The following NPEPPS variants were observed in gnomAD, a reference collection of about 807,000 sequenced individuals.
NPEPPS encodes puromycin-sensitive aminopeptidase.
Under a neutral mutation model 115.5 loss-of-function variants are expected in NPEPPS, and 14 were observed. The observed-to-expected ratio is 0.12, with a 90% CI of 0.08 to 0.19. The LOEUF (loss-of-function observed/expected upper bound fraction) is 0.19, where lower values mean the gene tolerates loss of function less well. NPEPPS is among the 10% of genes least tolerant of loss of function. NPEPPS has a pLI of 1.00. For synonymous variants in NPEPPS, 285 were observed against 390.6 expected, an observed-to-expected ratio of 0.73 and a Z score of 3.19; for missense variants, 523 against 1,110.8, an observed-to-expected ratio of 0.47 and a Z score of 7.52.
At chr17:47,542,053 A>C (rs1006528038) in intron 1 of NPEPPS, among the ~76,000 whole-genome samples, 9 of 152,180 alleles carry the variant, frequency 5.9e-5, no homozygotes, top group Non-Finnish European at 4.4e-5. Flanking sequence ...TTACCCATAT[A>C]CAGGTCTTTC....
intron 1 of NPEPPS, among the ~76,000 whole-genome samples, chr17:47,537,947 G>A (rs1162134807): frequency 1.3e-5 from 2 of 149,276 alleles, no homozygotes; most frequent in Admixed American, 6.7e-5. Flanking sequence ...AGGCTGGAGT[G>A]CAGTGGCACA....
intron 1 of NPEPPS, among the ~76,000 whole-genome samples, chr17:47,523,587 A>T (rs1294347176): frequency 6.6e-6 from 1 of 151,668 alleles, no homozygotes. Flanking sequence ...CACCCGGCAA[A>T]TTTTTTTGCA....
At chr17:47,590,134 T>C (rs1186173832) in intron 9 of NPEPPS, among the ~76,000 whole-genome samples, 8 of 152,132 alleles carry the variant, frequency 5.3e-5, no homozygotes, top group African/African-American at 1.9e-4. Flanking sequence ...AGTTCAAGGC[T>C]GCAGTAAGCT....
rs543559258 is a variant in NPEPPS at position 47,538,202 on chromosome 17, C to CTTTTTTTTTTTTTTTTTTT, written c.255+6652_255+6670dup. Among the ~76,000 whole-genome samples, 18 of 58,498 alleles carry CTTTTTTTTTTTTTTTTTTT rather than the reference C, an allele frequency of 3.1e-4. 3 individuals carry two copies. The highest frequency in any genetic ancestry group is 2.6e-3 in the East Asian group (4 of 1,558). The allele number at this position is 58,498 out of a possible 152,430, so 38.4% of individuals were successfully genotyped here. A position where few individuals can be genotyped will look rare whatever the true frequency, so the allele number is the denominator to read the frequency against. The stretch of plus-strand genomic sequence containing the variant: ...GCCACCGCGCCTAGCCATATCTGTT[C>CTTTTTTTTTTTTTTTTTTT]TTTTTTTTTTTTTTTTTTTTTTTGA... On this transcript the variant is annotated intron_variant, in intron 1 of 22. Transcript: ENST00000322157.
intron 17 of NPEPPS, 134 bp from the exon 18 acceptor site, chr17:47,612,326 A>T: frequency 1.3e-6 from 1 of 783,948 alleles, no homozygotes; most frequent in Non-Finnish European, 2.0e-6. Flanking sequence ...GTATTCTCTC[A>T]GGTATTAAGT....
Position 47,531,115 on chromosome 17 carries a change from C to T in NPEPPS, c.-186C>T, listed in dbSNP as rs1907709320. The T allele has an allele frequency of 3.6e-6, 3 of 822,360 alleles. No homozygotes were observed. Among genetic ancestry groups the T allele is most frequent in the Non-Finnish European group, 5.0e-6 (3 of 601,722 alleles). 50.9% of individuals were successfully genotyped at this position (822,360 alleles called of 1,614,324 possible). On this transcript the variant is annotated 5_prime_UTR_variant, in exon 1 of 23. Coordinates refer to ENST00000322157, the MANE Select transcript of NPEPPS (RefSeq NM_006310.4). ...CACGCAGCCGCCGCCACCACTTCCC[C>T]CTCTCCCTCCCTCCTTGCGGGCCCT...
At chr17:47,540,071 T>A (rs987542601) in intron 1 of NPEPPS, among the ~76,000 whole-genome samples, 2 of 152,198 alleles carry the variant, frequency 1.3e-5, no homozygotes, top group African/African-American at 4.8e-5. Flanking sequence ...AGGAAAATGT[T>A]ATCTCCGATT....
At chr17:47,568,659 A>T (rs1197044989) in intron 2 of NPEPPS, among the ~76,000 whole-genome samples, 2 of 146,904 alleles carry the variant, frequency 1.4e-5, no homozygotes, top group African/African-American at 2.5e-5. Flanking sequence ...ACAACAAATA[A>T]TTTTTTTTTT....
At chr17:47,524,868 C>G (rs1225292268) in intron 1 of NPEPPS, among the ~76,000 whole-genome samples, 2 of 146,844 alleles carry the variant, frequency 1.4e-5, no homozygotes, top group South Asian at 2.2e-4. Context: ...GTCTTGAACT[C>G]TTGGCCTCAA....
intron 2 of NPEPPS, chr17:47,548,385 T>C (rs1460574077): frequency 2.0e-5 from 3 of 151,972 alleles, no homozygotes; most frequent in Non-Finnish European, 2.9e-5. Flanking sequence ...AGAAGTACTT[T>C]AGCCAGGTAT....
At chr17:47,572,975 C>T (rs1286863154) in intron 3 of NPEPPS, among the ~76,000 whole-genome samples, 1 of 152,104 alleles carries the variant, frequency 6.6e-6, no homozygotes, top group Non-Finnish European at 1.5e-5. Flanking sequence ...GGGGTTTCAC[C>T]ATGTTGGCCA....
intron 1 of NPEPPS, among the ~76,000 whole-genome samples, chr17:47,536,325 C>G (rs1403131865): frequency 6.6e-6 from 1 of 151,550 alleles, no homozygotes; most frequent in East Asian, 1.9e-4. Flanking sequence ...AAATTTGGCA[C>G]CTGAATGGTT....
In NPEPPS at chr17:47,593,763, C is replaced by T. The variant is rs1183122033; in HGVS notation, c.1426+1218C>T. Among the ~76,000 whole-genome samples, 4 of 152,168 alleles carry T rather than the reference C, an allele frequency of 2.6e-5. No homozygotes were observed. The South Asian group carries it at 6.2e-4, about 24-fold the overall frequency. ...GCTGCTAGGCTACAAAATACCTGTA[C>T]AGCATGTTACTGTACTGAATACCAT... On this transcript the variant is annotated intron_variant, in intron 12 of 22. Transcript: ENST00000322157.
chr17:47,612,584 C>G lies in NPEPPS; in HGVS notation c.2220C>G (p.Ser740=), dbSNP rs376665760. ...KDHVEGKQIL[S]ADLRSPVYLT... ...ACGTGGAAGGAAAACAGATTCTCTCCGCTGATCTGAGGAGTCCTGTAGGTT... is the reference window on the plus strand; with the variant it reads ...ACGTGGAAGGAAAACAGATTCTCTCGGCTGATCTGAGGAGTCCTGTAGGTT... Residue 740 remains serine, a synonymous_variant, in exon 18 of 23, where the codon TCC becomes TCG. Transcript: ENST00000322157. 1 of 1,613,762 alleles carries G rather than the reference C, an allele frequency of 6.2e-7. No homozygotes were observed. Among genetic ancestry groups the G allele is most frequent in the African/African-American group, 1.3e-5 (1 of 74,996 alleles).
chr17:47,591,859 T>TTAGAAGGCA, intron 10 of NPEPPS, 97 bp from the exon 11 acceptor site: 2 of 562,192 alleles, frequency 3.6e-6, no homozygotes, highest in Non-Finnish European at 6.4e-6. Context: ...GGCAGAAAAA[T>TTAGAAGGCA]GTAAGTTAGA....
chr17:47,614,834 G>A (rs758174253), intron 19 of NPEPPS, among the ~76,000 whole-genome samples: 8 of 152,188 alleles, frequency 5.3e-5, no homozygotes, highest in Non-Finnish European at 7.3e-5. Context: ...AGTGGAATGT[G>A]CTTTACTGTC....
At chr17:47,600,251 T>C (rs1913110761) in intron 14 of NPEPPS, among the ~76,000 whole-genome samples, 2 of 152,108 alleles carry the variant, frequency 1.3e-5, no homozygotes, top group Admixed American at 6.5e-5. Context: ...CTGGGCAACA[T>C]GGCAAAACCT....
chr17:47,546,196 G>A (rs1051477590), intron 2 of NPEPPS, among the ~76,000 whole-genome samples: 2 of 152,098 alleles, frequency 1.3e-5, no homozygotes, highest in Admixed American at 6.6e-5. Context: ...GGAGGCTGAG[G>A]CGAGCAGATC....
At chr17:47,566,278 C>T (rs556204464) in intron 2 of NPEPPS, among the ~76,000 whole-genome samples, 1 of 152,054 alleles carries the variant, frequency 6.6e-6, no homozygotes, top group Non-Finnish European at 1.5e-5. Context: ...CATGCCTGGC[C>T]CTGGGCAACA....
Sources: allele counts gnomAD v4.1 joint callset (sites outside exome capture counted in the v4.1 genomes callset), GRCh38; gene constraint gnomAD v4.1.1; transcripts MANE v1.5; gene names NCBI Gene and HGNC (gene_info 2026-07-23, HGNC 2026-07-21).